Variants in MTUS2 observed in about 807,000 individuals in gnomAD.
The protein encoded by MTUS2 is microtubule-associated tumor suppressor candidate 2.
MTUS2 carries 40 observed loss-of-function variants against 114.1 expected under a neutral mutation model. The ratio of observed to expected loss-of-function variants is 0.35; its 90% CI spans 0.27 to 0.46. The LOEUF (loss-of-function observed/expected upper bound fraction) is 0.46, where lower values mean the gene tolerates loss of function less well. Among genes scored for constraint, MTUS2 ranks in the 20% least tolerant of loss-of-function variants. The pLI is 1.00. For synonymous variants in MTUS2, 688 were observed against 672.0 expected (o/e 1.02, Z -0.37); for missense variants, 1,679 against 1,705.4 (o/e 0.98, Z 0.27).
intron 2 of MTUS2, among the ~76,000 whole-genome samples, chr13:28,968,333 T>G (rs562629655): frequency 3.6e-4 from 55 of 152,282 alleles, no homozygotes; most frequent in African/African-American, 1.3e-3. Context: ...GTTAACAAAG[T>G]GTTAAATAAA....
chr13:29,332,407 C>G (rs1900823702), intron 7 of MTUS2, among the ~76,000 whole-genome samples: 1 of 151,888 alleles, frequency 6.6e-6, no homozygotes, highest in Non-Finnish European at 1.5e-5. Flanking sequence ...GTGGTGATAT[C>G]CCCTTTATCA....
chr13:29,314,007 G>T (rs1485840191), intron 6 of MTUS2, among the ~76,000 whole-genome samples: 2 of 152,074 alleles, frequency 1.3e-5, no homozygotes, highest in Admixed American at 1.3e-4. Flanking sequence ...AAGCTGTCAG[G>T]TAATTTACCT....
intron 2 of MTUS2, among the ~76,000 whole-genome samples, chr13:28,886,395 G>C (rs1878594428): frequency 6.6e-6 from 1 of 152,174 alleles, no homozygotes; most frequent in Non-Finnish European, 1.5e-5. Flanking sequence ...TAGGGTTAGT[G>C]GTGGAGGTGG....
chr13:29,503,267 G>A lies in MTUS2; in HGVS notation c.*61G>A. On this transcript the variant is annotated 3_prime_UTR_variant, in exon 16 of 16. Transcript: ENST00000612955. ...GTCCTCCGGTCTCCACCCTGAGGGA[G>A]CACCGACCCGGTGCCGCCGGAGCTG... 1.3e-6 allele frequency: 2 copies of A among 1,583,566 alleles called. No individual in the cohort carries two copies. Among genetic ancestry groups the A allele is most frequent in the Non-Finnish European group, 1.7e-6 (2 of 1,161,440 alleles).
intron 4 of MTUS2, among the ~76,000 whole-genome samples, chr13:29,044,723 A>G: frequency 6.6e-6 from 1 of 152,300 alleles, no homozygotes; most frequent in Admixed American, 6.5e-5. Flanking sequence ...TTTATTTACT[A>G]ACTCACAATT....
At chr13:29,174,706 A>G (rs1398444484) in intron 5 of MTUS2, among the ~76,000 whole-genome samples, 1 of 152,204 alleles carries the variant, frequency 6.6e-6, no homozygotes, top group African/African-American at 2.4e-5. Flanking sequence ...AGTCCATACC[A>G]TGTGGACAAG....
In MTUS2 at chr13:29,025,366, A is replaced by G. The variant is rs757698115; in HGVS notation, c.668A>G (p.His223Arg). ...GEGPQKTLPDHAVPAAFPATD... is the reference protein window; with the variant it reads ...GEGPQKTLPDRAVPAAFPATD... Reference sequence around the variant, plus strand: ...GGGCCACAGAAGACATTGCCAGACCACGCTGTCCCGGCAGCTTTCCCTGCA... The same window carrying G: ...GGGCCACAGAAGACATTGCCAGACCGCGCTGTCCCGGCAGCTTTCCCTGCA... The change falls in exon 3 of 16, where the codon CAC becomes CGC. Residue 223 changes from histidine (H) to arginine (R), a missense_variant. By Grantham distance (29) the His-to-Arg change is conservative (BLOSUM62 0). Coordinates refer to ENST00000612955, the MANE Select transcript of MTUS2 (RefSeq NM_001033602.4). The G allele has an allele frequency of 1.2e-6, 2 of 1,613,872 alleles. No homozygotes were observed. The highest frequency in any genetic ancestry group is 1.7e-6 in the Non-Finnish European group (2 of 1,179,888).
At chr13:29,376,025 GTGTATA>G (rs1455495220) in intron 8 of MTUS2, among the ~76,000 whole-genome samples, 2 of 24,504 alleles carry the variant, frequency 8.2e-5, no homozygotes, top group Non-Finnish European at 2.6e-4. Context: ...ATGTATGTGT[GTGTATA>G]TATATATATG....
At chr13:28,961,859 TTA>T (rs1432066683) in intron 2 of MTUS2, among the ~76,000 whole-genome samples, 1 of 152,060 alleles carries the variant, frequency 6.6e-6, no homozygotes, top group East Asian at 1.9e-4. Context: ...GTAAAATGAT[TTA>T]TGTTTGGTTA....
intron 6 of MTUS2, among the ~76,000 whole-genome samples, chr13:29,290,465 G>C (rs1420811834): frequency 2.0e-5 from 3 of 152,154 alleles, no homozygotes; most frequent in Non-Finnish European, 2.9e-5. Context: ...GAGTAGCTGG[G>C]ACTACAGGCG....
intron 8 of MTUS2, among the ~76,000 whole-genome samples, chr13:29,379,973 G>A (rs1290302802): frequency 6.6e-6 from 1 of 152,198 alleles, no homozygotes; most frequent in Non-Finnish European, 1.5e-5. Flanking sequence ...GGTGGTGTGA[G>A]TGTTTTTTGA....
intron 5 of MTUS2, among the ~76,000 whole-genome samples, chr13:29,260,786 T>G (rs1369106297): frequency 6.6e-6 from 1 of 152,238 alleles, no homozygotes; most frequent in African/African-American, 2.4e-5. Flanking sequence ...ATCGGGACAG[T>G]ATTCCCCTTG....
At chr13:28,936,298 G>A (rs1881896581) in intron 2 of MTUS2, among the ~76,000 whole-genome samples, 1 of 152,134 alleles carries the variant, frequency 6.6e-6, no homozygotes, top group Non-Finnish European at 1.5e-5. Flanking sequence ...TGGTTTATAA[G>A]TTTTCTTCCT....
intron 9 of MTUS2, among the ~76,000 whole-genome samples, chr13:29,451,842 G>A (rs557542288): frequency 6.6e-6 from 1 of 152,222 alleles, no homozygotes; most frequent in Middle Eastern, 3.4e-3. Context: ...ACCCGCCTCA[G>A]CCTCCCAAAG....
At chr13:29,484,987 G>A (rs41291229) in intron 10 of MTUS2, 4,054 of 152,390 alleles carry the variant, frequency 0.027, 123 homozygotes, top group African/African-American at 0.069. Context: ...CATAGAACGA[G>A]GACTACTGCC....
intron 5 of MTUS2, among the ~76,000 whole-genome samples, chr13:29,171,500 G>T (rs1225769364): frequency 6.6e-6 from 1 of 152,138 alleles, no homozygotes; most frequent in African/African-American, 2.4e-5. Flanking sequence ...TCTGATTTAT[G>T]AGAAAGATAA....
chr13:29,010,610 C>G (rs980265781), intron 2 of MTUS2, among the ~76,000 whole-genome samples: 1 of 152,052 alleles, frequency 6.6e-6, no homozygotes, highest in South Asian at 2.1e-4. Flanking sequence ...TCAGCCTGTC[C>G]GTCTGCTTGG....
chr13:29,447,293 C>G (rs2138717236), intron 9 of MTUS2, among the ~76,000 whole-genome samples: 1 of 152,090 alleles, frequency 6.6e-6, no homozygotes, highest in Admixed American at 6.5e-5. Context: ...ACCGGGAGAC[C>G]TCAAACCAAA....
chr13:29,354,370 A>G (rs1168633361), intron 7 of MTUS2, among the ~76,000 whole-genome samples: 1 of 151,374 alleles, frequency 6.6e-6, no homozygotes, highest in Non-Finnish European at 1.5e-5. Flanking sequence ...TTAAGCCACT[A>G]TTTTTCACCC....
Sources: allele counts gnomAD v4.1 joint callset (sites outside exome capture counted in the v4.1 genomes callset), GRCh38; gene constraint gnomAD v4.1.1; transcripts MANE v1.5; gene names NCBI Gene and HGNC (gene_info 2026-07-23, HGNC 2026-07-21).